The following CPT1A variants were observed in gnomAD, a reference collection of about 807,000 sequenced individuals.
CPT1A encodes the protein carnitine palmitoyltransferase 1A.
In CPT1A, 64 loss-of-function variants were observed where a neutral mutation model predicts 100.8. The ratio of observed to expected loss-of-function variants is 0.63; its 90% confidence interval spans 0.52 to 0.78. The LOEUF (loss-of-function observed/expected upper bound fraction) is 0.78. CPT1A is among the 30% of genes least tolerant of loss of function. The pLI is 0.00. For synonymous variants in CPT1A, 363 were observed against 396.0 expected, an observed-to-expected ratio of 0.92 and a Z score of 0.99; for missense variants, 802 against 1,034.1, an observed-to-expected ratio of 0.78 and a Z score of 3.08.
intron 12 of CPT1A, among the ~76,000 whole-genome samples, chr11:68,778,353 G>A (rs1383045367): frequency 1.3e-5 from 2 of 152,174 alleles, no homozygotes; most frequent in Non-Finnish European, 2.9e-5. Flanking sequence ...AGGCAGAGAG[G>A]AGAGTGAGTG....
At chr11:68,760,377 C>T in intron 16 of CPT1A, 39 bp from the exon 17 acceptor site, 1 of 1,509,818 alleles carries the variant, frequency 6.6e-7, no homozygotes, top group Non-Finnish European at 9.1e-7. Flanking sequence ...TAATCCCCTC[C>T]TCTACCGTCC....
chr11:68,804,915 A>G (rs1856001807), intron 4 of CPT1A, among the ~76,000 whole-genome samples: 1 of 152,222 alleles, frequency 6.6e-6, no homozygotes, highest in Non-Finnish European at 1.5e-5. Context: ...AGCCTGTATA[A>G]TAACCAGTCA....
intron 9 of CPT1A, among the ~76,000 whole-genome samples, chr11:68,790,725 T>G (rs1023467207): frequency 6.6e-6 from 1 of 152,232 alleles, no homozygotes; most frequent in Admixed American, 6.5e-5. Context: ...CCCAGGAAAC[T>G]GACTCAGGTA....
In CPT1A at chr11:68,813,030, G is replaced by A. The variant is rs374667637; in HGVS notation, c.142-454C>T. On this transcript the variant is annotated intron_variant, in intron 2 of 18. Transcript: ENST00000265641. ...TTCATGGGAGACCTCACCCCATGTC[G>A]AGAATTTGCTGTAAAATACTCCAGC... Among the ~76,000 whole-genome samples, 247 of 150,352 alleles carry A rather than the reference G, an allele frequency of 1.6e-3. 2 individuals are homozygous for A. Among genetic ancestry groups the A allele is most frequent in the African/African-American group, 5.7e-3 (232 of 40,762 alleles).
chr11:68,756,472 A>G lies in CPT1A; in HGVS notation c.*1172T>C, dbSNP rs1201255566. ...CTTGAGACATCTTGGCTGGTCACCA[A>G]GGTGAGCCGGCATACTGTCTCCATC... On this transcript the variant is annotated 3_prime_UTR_variant, in exon 19 of 19. Transcript: ENST00000265641. 6.6e-6 allele frequency: 1 copy of G among 152,214 alleles called. No homozygotes were observed. Among genetic ancestry groups the G allele is most frequent in the Non-Finnish European group, 1.5e-5 (1 of 68,058 alleles). The allele number at this position is 152,214 out of a possible 1,614,324, so 9.4% of individuals were successfully genotyped here.
At chr11:68,812,619 C>A in intron 2 of CPT1A, 43 bp from the exon 3 acceptor site, 1 of 1,612,794 alleles carries the variant, frequency 6.2e-7, no homozygotes. Context: ...CCTCCCACAA[C>A]CCACAGGGCA....
intron 5 of CPT1A, among the ~76,000 whole-genome samples, chr11:68,802,896 C>CAAAA (rs901808584): frequency 1.1e-4 from 5 of 44,942 alleles, no homozygotes; most frequent in African/African-American, 3.1e-4. Context: ...GACCCTGTCT[C>CAAAA]AAAAAAAAAA....
At chr11:68,785,035 A>G (rs753030655) in intron 9 of CPT1A, 25 bp from the exon 10 acceptor site, 1 of 1,611,090 alleles carries the variant, frequency 6.2e-7, no homozygotes, top group Admixed American at 1.7e-5. Context: ...GGTTGGAGAC[A>G]CAAAACCAAG....
At chr11:68,833,423 T>A (rs1856928293) in intron 1 of CPT1A, among the ~76,000 whole-genome samples, 1 of 152,268 alleles carries the variant, frequency 6.6e-6, no homozygotes, top group Non-Finnish European at 1.5e-5. Context: ...GGTGCCCTTG[T>A]ACTTTTCCAG....
In CPT1A at chr11:68,812,517, C is replaced by T. The variant is rs1856243079; in HGVS notation, c.201G>A (p.Val67=). Residue 67 remains valine, a synonymous_variant, in exon 3 of 19, where the codon GTG becomes GTA. Coordinates refer to ENST00000265641, the MANE Select transcript of CPT1A (RefSeq NM_001876.4). ...ASPSSWLIVV[V]GVMTTMYAKI... ...TGGCGTACATCGTTGTCATCACGCC[C>T]ACCACCACGATAAGCCAACTGGAGG... 6.2e-7 allele frequency: 1 copy of T among 1,614,160 alleles called. No homozygotes were observed. The highest frequency in any genetic ancestry group is 8.5e-7 in the Non-Finnish European group (1 of 1,180,024).
chr11:68,800,622 C>T (rs1855881996), intron 5 of CPT1A, among the ~76,000 whole-genome samples: 1 of 151,276 alleles, frequency 6.6e-6, no homozygotes. Flanking sequence ...GCCATGATCA[C>T]ACCACTGCAT....
chr11:68,794,120 A>C (rs1255706648), intron 8 of CPT1A, among the ~76,000 whole-genome samples: 1 of 152,234 alleles, frequency 6.6e-6, no homozygotes, highest in African/African-American at 2.4e-5. Context: ...TAGGAGACAC[A>C]AGGAGAATTA....
chr11:68,806,852 C>G (rs936476342), intron 4 of CPT1A, among the ~76,000 whole-genome samples: 2 of 151,984 alleles, frequency 1.3e-5, no homozygotes, highest in Admixed American at 1.3e-4. Flanking sequence ...TTGCTTGAAC[C>G]TGGAAGGGCA....
chr11:68,818,203 A>C (rs987262241), intron 1 of CPT1A, among the ~76,000 whole-genome samples: 4 of 152,054 alleles, frequency 2.6e-5, no homozygotes, highest in African/African-American at 9.7e-5. Context: ...CACACAAGAC[A>C]GTCTGCAGAG....
chr11:68,780,561 G>A, intron 12 of CPT1A, 79 bp downstream of exon 12: 1 of 1,247,032 alleles, frequency 8.0e-7, no homozygotes, highest in Non-Finnish European at 1.2e-6. Context: ...TGGGATTACA[G>A]GTGTGCGCCA....
chr11:68,778,088 T>TC (rs1305372901), intron 12 of CPT1A, among the ~76,000 whole-genome samples: 1 of 152,088 alleles, frequency 6.6e-6, no homozygotes, highest in Non-Finnish European at 1.5e-5. Flanking sequence ...CACTATGTTT[T>TC]TTTTTTTCCT....
intron 3 of CPT1A, 47 bp from the exon 4 acceptor site, chr11:68,807,685 G>A (rs1277774223): frequency 5.6e-6 from 9 of 1,594,588 alleles, no homozygotes; most frequent in Middle Eastern, 1.7e-4. Context: ...GAGGCCACAC[G>A]GTGCCACCAA....
intron 1 of CPT1A, among the ~76,000 whole-genome samples, chr11:68,825,692 GC>G (rs1304913645): frequency 3.5e-5 from 5 of 141,426 alleles, no homozygotes; most frequent in Non-Finnish European, 7.6e-5. Flanking sequence ...TCCAGTGCCT[GC>G]CCCCCACCTC....
chr11:68,797,778 G>A (rs1452610604), intron 6 of CPT1A, among the ~76,000 whole-genome samples: 6 of 152,124 alleles, frequency 3.9e-5, no homozygotes, highest in Admixed American at 3.9e-4. Flanking sequence ...AGGAGTTCCG[G>A]ACCTGCCTGG....
Sources: allele counts gnomAD v4.1 joint callset (sites outside exome capture counted in the v4.1 genomes callset), GRCh38; gene constraint gnomAD v4.1.1; transcripts MANE v1.5; gene names NCBI Gene and HGNC (gene_info 2026-07-23, HGNC 2026-07-21).